MON2: variants seen among roughly 807,000 people sequenced by gnomAD.
MON2 encodes the protein MON2 regulator of endosome-to-Golgi trafficking.
MON2 carries 84 observed loss-of-function variants against 208.6 expected under a neutral mutation model. The observed-to-expected ratio is 0.40, with a 90% CI of 0.34 to 0.48. The LOEUF (loss-of-function observed/expected upper bound fraction) is 0.48. Among genes scored for constraint, MON2 ranks in the 20% least tolerant of loss-of-function variants. The pLI, the probability that MON2 is intolerant of heterozygous loss-of-function variation, is 0.59. For synonymous variants in MON2, 660 were observed against 694.0 expected (o/e 0.95, Z 0.77); for missense variants, 1,611 against 2,015.4 (o/e 0.80, Z 3.84).
chr12:62,495,222 T>C (rs1565971622), intron 4 of MON2, 75 bp downstream of exon 4: 2 of 1,374,076 alleles, frequency 1.5e-6, no homozygotes, highest in Non-Finnish European at 2.0e-6. Context: ...AGAGAAAAGC[T>C]TGGTGCCATT....
chr12:62,539,852 A>G (rs964698965), intron 19 of MON2, among the ~76,000 whole-genome samples: 1 of 151,932 alleles, frequency 6.6e-6, no homozygotes, highest in African/African-American at 2.4e-5. Flanking sequence ...CCCCGTCTCT[A>G]CTAAAAATAC....
At chr12:62,583,853 G>A (rs1277134070) in intron 32 of MON2, among the ~76,000 whole-genome samples, 6 of 150,978 alleles carry the variant, frequency 4.0e-5, no homozygotes, top group South Asian at 4.2e-4. Context: ...CCAGCTACTC[G>A]GGAGTCTGAG....
intron 14 of MON2, 61 bp from the exon 15 acceptor site, chr12:62,537,090 A>G (rs548696807): frequency 5.1e-5 from 51 of 1,002,948 alleles, no homozygotes; most frequent in Non-Finnish European, 6.6e-5. Flanking sequence ...TAAATATAAC[A>G]TTACTTTAAA....
chr12:62,501,425 C>T (rs1293901475), intron 6 of MON2, 148 bp from the exon 7 acceptor site: 1 of 784,958 alleles, frequency 1.3e-6, no homozygotes, highest in Admixed American at 2.9e-5. Context: ...CACAATTTGT[C>T]AAAATTGGAA....
intron 12 of MON2, among the ~76,000 whole-genome samples, chr12:62,534,518 C>CAAAAAAAAAAAA (rs869145698): frequency 1.5e-5 from 1 of 67,468 alleles, no homozygotes; most frequent in African/African-American, 6.7e-5. Context: ...GACTCCATCG[C>CAAAAAAAAAAAA]AAAAAAAAAA....
At chr12:62,519,188 T>C (rs2071868923) in intron 8 of MON2, among the ~76,000 whole-genome samples, 1 of 152,150 alleles carries the variant, frequency 6.6e-6, no homozygotes, top group South Asian at 2.1e-4. Context: ...CACAGAATGT[T>C]CCAGAGCAGA....
chr12:62,581,998 T>C lies in MON2; in HGVS notation c.4699+1578T>C, dbSNP rs551527141. 2.9e-4 allele frequency among the ~76,000 whole-genome samples: 44 copies of C among 152,316 alleles called. 1 individual carries two copies. The South Asian group carries it at 8.7e-3, about 30-fold the overall frequency. Reference sequence around the variant, plus strand: ...CTCTCATACTGCTCACTTCACATACTAGTTCTTTTTTCTAGCCCAAACAGT... The same window carrying C: ...CTCTCATACTGCTCACTTCACATACCAGTTCTTTTTTCTAGCCCAAACAGT... On this transcript the variant is annotated intron_variant, in intron 32 of 34. Coordinates refer to ENST00000393630, the MANE Select transcript of MON2 (RefSeq NM_015026.3).
chr12:62,504,216 C>G (rs10784304), intron 7 of MON2, among the ~76,000 whole-genome samples: 5 of 148,104 alleles, frequency 3.4e-5, no homozygotes, highest in African/African-American at 1.3e-4. Flanking sequence ...GATTTGAAAC[C>G]GTTTTTACAG....
chr12:62,483,780 T>G (rs947148963), intron 1 of MON2, among the ~76,000 whole-genome samples: 16 of 152,154 alleles, frequency 1.1e-4, no homozygotes, highest in Admixed American at 2.6e-4. Flanking sequence ...TATAATTTTT[T>G]TGTGTGTGGT....
At chr12:62,527,094 C>G (rs893107572) in intron 11 of MON2, among the ~76,000 whole-genome samples, 1 of 152,080 alleles carries the variant, frequency 6.6e-6, no homozygotes, top group African/African-American at 2.4e-5. Context: ...TCACTGCACT[C>G]CAGCCTGGGT....
Position 62,531,664 on chromosome 12 carries a change from T to C in MON2, c.1401-774T>C, listed in dbSNP as rs550386434. On this transcript the variant is annotated intron_variant, in intron 11 of 34. Transcript: ENST00000393630. Reference sequence around the variant, plus strand: ...CACTGATGCTCTTATTCTCACCTTGTTGGCAGATTGTATTTGAAATGATAG... The same window carrying C: ...CACTGATGCTCTTATTCTCACCTTGCTGGCAGATTGTATTTGAAATGATAG... Among the ~76,000 whole-genome samples, 3 of 152,332 alleles carry C rather than the reference T, an allele frequency of 2.0e-5. No individual in the cohort carries two copies. The East Asian group carries it at 5.8e-4, about 29-fold the overall frequency.
At chr12:62,539,687 T>C (rs1300239375) in intron 19 of MON2, among the ~76,000 whole-genome samples, 1 of 152,162 alleles carries the variant, frequency 6.6e-6, no homozygotes, top group Non-Finnish European at 1.5e-5. Flanking sequence ...TTATAGTACC[T>C]AGCTAGATAA....
rs780455923 is a variant in MON2, at chr12:62,508,421, A to G, written c.925A>G (p.Ile309Val). The change falls in exon 8 of 35, where the codon ATC (isoleucine) becomes GTC (valine). Residue 309 changes from isoleucine to valine, a missense_variant. By Grantham distance (29) the Ile-to-Val change is conservative. Coordinates refer to ENST00000393630, the MANE Select transcript of MON2 (RefSeq NM_015026.3). ...ACCAGTTGAAAAACCATATTTTCCT[A>G]TCTGCATGCGTTTGCTGAGAGTAGT... ...PAPVEKPYFP[I>V]CMRLLRVVSV... is the part of the protein sequence containing the mutation. 22 of 1,613,994 alleles carry G rather than the reference A, an allele frequency of 1.4e-5. No individual in the cohort carries two copies. Among genetic ancestry groups the G allele is most frequent in the Non-Finnish European group, 1.9e-5 (22 of 1,180,012 alleles).
intron 1 of MON2, among the ~76,000 whole-genome samples, chr12:62,483,750 T>G (rs1164813417): frequency 6.6e-6 from 1 of 152,172 alleles, no homozygotes; most frequent in Non-Finnish European, 1.5e-5. Flanking sequence ...ACAGTAGTTT[T>G]ACTTGATTTT....
Position 62,526,095 on chromosome 12 carries a change from G to C in MON2, c.1393G>C (p.Ala465Pro). Residue 465 changes from alanine to proline, a missense_variant, in exon 11 of 35, where the codon GCC (alanine) becomes CCC (proline). Physicochemically the swap from Ala to Pro is conservative, Grantham distance 27. Coordinates refer to ENST00000393630, the MANE Select transcript of MON2 (RefSeq NM_015026.3). ...AATCACAGTTCAAGGCAGTGCTAAA[G>C]CCACCTAGTAAGTAGTAGCAGCATT... ...LTITVQGSAK[A>P]TYLEMLDKVE... The C allele has an allele frequency of 6.2e-7, 1 of 1,613,356 alleles. No homozygotes were observed. Among genetic ancestry groups the C allele is most frequent in the South Asian group, 1.1e-5 (1 of 91,038 alleles).
intron 11 of MON2, among the ~76,000 whole-genome samples, chr12:62,531,916 C>T (rs1414656009): frequency 6.6e-6 from 1 of 152,008 alleles, no homozygotes; most frequent in African/African-American, 2.4e-5. Flanking sequence ...ACTACAGGCA[C>T]CTGCCACCAC....
At chr12:62,516,971 A>T (rs1330831781) in intron 8 of MON2, among the ~76,000 whole-genome samples, 1 of 152,198 alleles carries the variant, frequency 6.6e-6, no homozygotes, top group East Asian at 1.9e-4. Flanking sequence ...AGTCAACAGG[A>T]TAGGAGGGAT....
chr12:62,591,110 CT>C (rs1565721834), intron 34 of MON2, among the ~76,000 whole-genome samples: 1 of 152,186 alleles, frequency 6.6e-6, no homozygotes, highest in Non-Finnish European at 1.5e-5. Flanking sequence ...TCTATCTAAT[CT>C]TTTGTTAAAT....
chr12:62,494,066 C>G lies in MON2; in HGVS notation c.303+24C>G, dbSNP rs766473785. Reference sequence around the variant, plus strand: ...AGGTAATATGAAGATTTTATCTAAACTTCACCTAAGAGTTGAATCAGAAGT... The same window carrying G: ...AGGTAATATGAAGATTTTATCTAAAGTTCACCTAAGAGTTGAATCAGAAGT... On this transcript the variant is annotated intron_variant, in intron 3 of 34. Coordinates refer to ENST00000393630, the MANE Select transcript of MON2 (RefSeq NM_015026.3). 3 of 1,599,088 alleles carry G rather than the reference C, an allele frequency of 1.9e-6. No homozygotes were observed. The Admixed American group carries it at 5.1e-5, about 27-fold the overall frequency.
Sources: gnomAD v4.1 joint callset for allele counts (sites outside exome capture counted in the v4.1 genomes callset) on GRCh38, gnomAD v4.1.1 for gene constraint, MANE v1.5 for transcripts, NCBI Gene and HGNC (gene_info 2026-07-23, HGNC 2026-07-21) for gene names.